STK24: variants seen among roughly 807,000 people sequenced by gnomAD.
STK24 encodes serine/threonine-protein kinase 24.
A neutral mutation model predicts 55.6 loss-of-function variants in STK24; 21 were observed. The observed-to-expected ratio is 0.38, with a 90% CI of 0.27 to 0.54. The LOEUF is 0.54. Among genes scored for constraint, STK24 ranks in the 20% least tolerant of loss-of-function variants. STK24 has a pLI of 0.79. For synonymous variants in STK24, 200 were observed against 215.2 expected (o/e 0.93, Z 0.62); for missense variants, 383 against 538.4 (o/e 0.71, Z 2.86).
At chr13:98,537,557 C>T (rs543822258) in intron 1 of STK24, among the ~76,000 whole-genome samples, 4 of 152,296 alleles carry the variant, frequency 2.6e-5, no homozygotes, top group African/African-American at 9.6e-5. Flanking sequence ...GTGCCGGCCT[C>T]ACTACCCACA....
At chr13:98,564,119 A>C (rs1897505015) in intron 1 of STK24, among the ~76,000 whole-genome samples, 1 of 152,240 alleles carries the variant, frequency 6.6e-6, no homozygotes, top group African/African-American at 2.4e-5. Flanking sequence ...CATAAAAGCC[A>C]ACATCCCAAA....
chr13:98,524,380 C>A (rs1378152322), intron 1 of STK24, among the ~76,000 whole-genome samples: 1 of 152,162 alleles, frequency 6.6e-6, no homozygotes, highest in African/African-American at 2.4e-5. Flanking sequence ...TGGAAGGCCT[C>A]CATCAGCAGC....
At chr13:98,576,595 C>G (rs1351963147) in intron 1 of STK24, 150 bp downstream of exon 1, 4 of 554,384 alleles carry the variant, frequency 7.2e-6, no homozygotes, top group East Asian at 4.4e-5. Flanking sequence ...GGGACTCGGA[C>G]TCGGACCCCC....
chr13:98,515,582 T>C (rs1896029415), intron 2 of STK24, among the ~76,000 whole-genome samples: 2 of 152,110 alleles, frequency 1.3e-5, no homozygotes, highest in South Asian at 4.1e-4. Flanking sequence ...TTGTTTTCAA[T>C]CTTTAGGGGA....
At chr13:98,555,356 C>G (rs1443822212) in intron 1 of STK24, among the ~76,000 whole-genome samples, 3 of 152,154 alleles carry the variant, frequency 2.0e-5, no homozygotes, top group Non-Finnish European at 2.9e-5. Context: ...CCGAGGCAGG[C>G]AGATCACGAG....
At chr13:98,542,733 G>T in intron 1 of STK24, 1 of 694,922 alleles carries the variant, frequency 1.4e-6, no homozygotes, top group Non-Finnish European at 1.8e-6. Flanking sequence ...GAAAGTGACG[G>T]GAAGCAAAGC....
chr13:98,472,214 A>C (rs1463455262), intron 5 of STK24, among the ~76,000 whole-genome samples: 4 of 152,230 alleles, frequency 2.6e-5, no homozygotes, highest in African/African-American at 9.6e-5. Context: ...ACTTCTGAGA[A>C]CTTTGAGACG....
chr13:98,484,229 G>A (rs1026097279), intron 2 of STK24, among the ~76,000 whole-genome samples: 4 of 152,170 alleles, frequency 2.6e-5, no homozygotes, highest in African/African-American at 9.7e-5. Context: ...TGGGGAATGG[G>A]TATGCCACAG....
At chr13:98,485,138 C>A (rs951461886) in intron 2 of STK24, among the ~76,000 whole-genome samples, 1 of 152,180 alleles carries the variant, frequency 6.6e-6, no homozygotes, top group East Asian at 1.9e-4. Context: ...TCACCTTGCC[C>A]GCTGCCTAGA....
chr13:98,560,119 G>A (rs373537356), intron 1 of STK24, among the ~76,000 whole-genome samples: 8 of 152,268 alleles, frequency 5.3e-5, no homozygotes, highest in Admixed American at 6.5e-5. Flanking sequence ...ATCTGAAGCC[G>A]GTTGACAGCA....
intron 8 of STK24, among the ~76,000 whole-genome samples, chr13:98,460,682 C>T (rs921859531): frequency 5.3e-5 from 8 of 152,086 alleles, no homozygotes; most frequent in Admixed American, 5.2e-4. Context: ...CATCTGGGTT[C>T]CATGTGGAAG....
intron 2 of STK24, among the ~76,000 whole-genome samples, chr13:98,507,129 C>T (rs1473696407): frequency 3.3e-5 from 5 of 152,244 alleles, no homozygotes; most frequent in African/African-American, 9.6e-5. Flanking sequence ...CCGATTCTCC[C>T]TCCTCAACTT....
At chr13:98,456,293 C>T (rs1487817551) in intron 10 of STK24, 1 of 356,252 alleles carries the variant, frequency 2.8e-6, no homozygotes, top group Non-Finnish European at 5.6e-6. Context: ...TATGTACTGT[C>T]AGGTGGGACG....
At position 98,532,389 on chromosome 13, in the gene STK24, C is replaced by G. The variant is rs1896603565; in HGVS notation, c.43-12916G>C. Among the ~76,000 whole-genome samples, 8 of 151,970 alleles carry G rather than the reference C, an allele frequency of 5.3e-5. No individual in the cohort carries two copies. The South Asian group carries it at 1.7e-3, about 32-fold the overall frequency. On this transcript the variant is annotated intron_variant, in intron 1 of 10. Coordinates refer to ENST00000539966, the MANE Select transcript of STK24 (RefSeq NM_001032296.4). ...AGTGACTAGTAATTGATGGTGCATG[C>G]CCATCCCACATCCACCAAAGACCCA...
At chr13:98,483,397 G>GAA (rs202238146) in intron 2 of STK24, among the ~76,000 whole-genome samples, 180 of 151,352 alleles carry the variant, frequency 1.2e-3, no homozygotes, top group African/African-American at 4.3e-3. Context: ...ACACATGGAG[G>GAA]AAAAAAAAAG....
rs572188549 is a variant in STK24 at position 98,510,821 on chromosome 13, G to A, written c.273+8422C>T. Among the ~76,000 whole-genome samples, 5 of 152,336 alleles carry A rather than the reference G, an allele frequency of 3.3e-5. No individual in the cohort carries two copies. The South Asian group carries it at 8.3e-4, about 25-fold the overall frequency. On this transcript the variant is annotated intron_variant, in intron 2 of 10. Transcript: ENST00000539966. ...GGATGAAATGTTCTAAAATTGTGGTGATGGCTGCACCGCTCTGTGATATAC... is the reference window on the plus strand; with the variant it reads ...GGATGAAATGTTCTAAAATTGTGGTAATGGCTGCACCGCTCTGTGATATAC...
At chr13:98,534,001 C>A (rs1165434722) in intron 1 of STK24, among the ~76,000 whole-genome samples, 1 of 152,256 alleles carries the variant, frequency 6.6e-6, no homozygotes, top group African/African-American at 2.4e-5. Flanking sequence ...CTGAGGCTCT[C>A]CTAGTCTGCC....
Position 98,446,364 on chromosome 13 carries a change from C to G in STK24, c.*6809G>C. On this transcript the variant is annotated 3_prime_UTR_variant, in exon 11 of 11. Transcript: ENST00000539966. Reference sequence around the variant, plus strand: ...GGGGGCCCTGTCCACCCGAGGCCCTCAACTCTAGGGAAGACTGACATTATC... The same window carrying G: ...GGGGGCCCTGTCCACCCGAGGCCCTGAACTCTAGGGAAGACTGACATTATC... The G allele has an allele frequency of 1.6e-6, 1 of 611,150 alleles. No homozygotes were observed. Among genetic ancestry groups the G allele is most frequent in the Non-Finnish European group, 2.9e-6 (1 of 343,146 alleles). The allele number at this position is 611,150 out of a possible 1,614,324, so 37.9% of individuals were successfully genotyped here.
chr13:98,467,507 A>G (rs1315006391), intron 5 of STK24, among the ~76,000 whole-genome samples: 1 of 152,054 alleles, frequency 6.6e-6, no homozygotes, highest in Non-Finnish European at 1.5e-5. Flanking sequence ...TCAACCTACA[A>G]CAGTCCTGTC....
Sources: gnomAD v4.1 joint callset for allele counts (sites outside exome capture counted in the v4.1 genomes callset) on GRCh38, gnomAD v4.1.1 for gene constraint, MANE v1.5 for transcripts, NCBI Gene and HGNC (gene_info 2026-07-23, HGNC 2026-07-21) for gene names.